TFIP11: variants seen among roughly 807,000 people sequenced by gnomAD.
The protein encoded by TFIP11 is tuftelin interacting protein 11.
A neutral mutation model predicts 96.8 loss-of-function variants in TFIP11; 86 were observed. The observed-to-expected ratio is 0.89, with a 90% CI of 0.75 to 1.06. TFIP11 has a LOEUF of 1.06. Among genes scored for constraint, TFIP11 ranks in the 50% least tolerant of loss-of-function variants. The pLI, the probability that TFIP11 is intolerant of heterozygous loss-of-function variation, is 0.00. For synonymous variants in TFIP11, 405 were observed against 395.2 expected (o/e 1.02, Z -0.29); for missense variants, 881 against 1,076.7 (o/e 0.82, Z 2.54).
chr22:26,502,522 G>A (rs1000798365), intron 7 of TFIP11, among the ~76,000 whole-genome samples: 2 of 152,196 alleles, frequency 1.3e-5, no homozygotes, highest in Non-Finnish European at 2.9e-5. Flanking sequence ...TTCTAGAGGA[G>A]GAGCTAAGGC....
In TFIP11 at chr22:26,499,504, G is replaced by C. The variant is rs779138240; in HGVS notation, c.929C>G (p.Ala310Gly). Reference protein sequence around the residue: ...SQQLPQSGKEAKAPGFALPEL... With the variant: ...SQQLPQSGKEGKAPGFALPEL... Reference sequence around the variant, plus strand: ...GGGCAGCGCGAAGCCGGGGGCCTTGGCCTCTTTGCCAGACTGTGGCAGCTG... The same window carrying C: ...GGGCAGCGCGAAGCCGGGGGCCTTGCCCTCTTTGCCAGACTGTGGCAGCTG... The change falls in exon 9 of 15, where the codon GCC (alanine) becomes GGC (glycine). Residue 310 changes from alanine (A) to glycine (G), a missense_variant. Ala to Gly is a moderately conservative substitution (Grantham distance 60). Transcript: ENST00000407690. The C allele has an allele frequency of 6.2e-7, 1 of 1,614,180 alleles. No homozygotes were observed.
Position 26,492,208 on chromosome 22 carries a change from A to T in TFIP11, c.2319T>A (p.Phe773Leu), listed in dbSNP as rs1210969044. ...GVAASSVPMN[F>L]KDLIETKAEE... Reference sequence around the variant, plus strand: ...CAGCCTTGGTCTCAATGAGGTCCTTAAAGTTCATGGGCACAGAGCTAGCGG... The same window carrying T: ...CAGCCTTGGTCTCAATGAGGTCCTTTAAGTTCATGGGCACAGAGCTAGCGG... Residue 773 changes from phenylalanine to leucine, a missense_variant, in exon 15 of 15, where the codon TTT becomes TTA. By Grantham distance (22) the Phe-to-Leu change is conservative. Transcript: ENST00000407690. 6.2e-6 allele frequency: 10 copies of T among 1,614,108 alleles called. No homozygotes were observed. The highest frequency in any genetic ancestry group is 1.3e-5 in the African/African-American group (1 of 74,934).
At chr22:26,498,317 G>A (rs1039923171) in intron 10 of TFIP11, among the ~76,000 whole-genome samples, 1 of 152,076 alleles carries the variant, frequency 6.6e-6, no homozygotes, top group African/African-American at 2.4e-5. Context: ...GGCCAAGGCG[G>A]GTGGATCACG....
intron 8 of TFIP11, 24 bp downstream of exon 8, chr22:26,501,876 C>A (rs1278629294): frequency 5.0e-6 from 8 of 1,591,070 alleles, no homozygotes; most frequent in African/African-American, 1.4e-5. Context: ...GGATCCTGTA[C>A]CAGGTGTCCA....
rs1278730515 is a variant in TFIP11 at position 26,494,160 on chromosome 22, G to A, written c.2137C>T (p.Arg713Trp). 11 of 1,614,106 alleles carry A rather than the reference G, an allele frequency of 6.8e-6. No homozygotes were observed. Among genetic ancestry groups the A allele is most frequent in the Non-Finnish European group, 3.4e-6 (4 of 1,180,010 alleles). The part of the protein sequence containing the change: ...KFNEALDIMN[R>W]AVSSNVGAYM... ...TTACCAACGTTGGAGGACACCGCCC[G>A]GTTCATGATATCAAGTGCCTCATTA... The change falls in exon 14 of 15, where the codon CGG becomes TGG. Residue 713 changes from arginine (R) to tryptophan (W), a missense_variant. Arg to Trp is a moderately radical substitution (Grantham distance 101, BLOSUM62 -3). Coordinates refer to ENST00000407690, the MANE Select transcript of TFIP11 (RefSeq NM_012143.4).
chr22:26,496,519 C>G (rs1025906517), intron 11 of TFIP11, among the ~76,000 whole-genome samples: 4 of 152,054 alleles, frequency 2.6e-5, no homozygotes, highest in Non-Finnish European at 4.4e-5. Context: ...GTGACAAAAT[C>G]AAGAAAATGA....
At chr22:26,507,030 A>C (rs1218337582) in intron 4 of TFIP11, 102 bp from the exon 5 acceptor site, 2 of 1,352,314 alleles carry the variant, frequency 1.5e-6, no homozygotes, top group African/African-American at 1.5e-5. Context: ...CTTAGAGTGA[A>C]TCTCATGGGA....
rs774022075 is a variant in TFIP11, at chr22:26,491,508, T to C, written c.*505A>G. 14 of 1,613,962 alleles carry C rather than the reference T, an allele frequency of 8.7e-6. No individual in the cohort carries two copies. The highest frequency in any genetic ancestry group is 1.3e-5 in the African/African-American group (1 of 74,922). Reference sequence around the variant, plus strand: ...GCTTGAGTTTCCTCAGACTTCACAATACATGGACATATTTAATGATACCTC... The same window carrying C: ...GCTTGAGTTTCCTCAGACTTCACAACACATGGACATATTTAATGATACCTC... On this transcript the variant is annotated 3_prime_UTR_variant, in exon 15 of 15. Coordinates refer to ENST00000407690, the MANE Select transcript of TFIP11 (RefSeq NM_012143.4).
intron 6 of TFIP11, chr22:26,505,771 A>AGTGCAATGGC (rs113806850): frequency 2.0e-5 from 3 of 151,328 alleles, no homozygotes; most frequent in Admixed American, 6.6e-5. Context: ...CCCAGGCTGG[A>AGTGCAATGGC]GTGATCTCGG....
At chr22:26,511,656 A>G (rs1480117426) in intron 2 of TFIP11, 1 of 152,246 alleles carries the variant, frequency 6.6e-6, no homozygotes. Flanking sequence ...AATACACTCC[A>G]TAGGTGACAG....
chr22:26,494,651 A>C (rs1441918989), intron 13 of TFIP11, 146 bp downstream of exon 13: 2 of 1,136,538 alleles, frequency 1.8e-6, no homozygotes, highest in East Asian at 2.5e-5. Flanking sequence ...AATGGTGCCC[A>C]CTATGAAGAT....
At chr22:26,496,666 T>C in intron 11 of TFIP11, 55 bp downstream of exon 11, 1 of 1,588,104 alleles carries the variant, frequency 6.3e-7, no homozygotes, top group Admixed American at 1.7e-5. Flanking sequence ...AGCCACAGAC[T>C]GAACAAGTCC....
At position 26,495,068 on chromosome 22, in the gene TFIP11, T is replaced by A. The variant is rs562233766; in HGVS notation, c.1850-129A>T. The A allele has an allele frequency of 4.2e-5, 52 of 1,244,572 alleles. No individual in the cohort carries two copies. The East Asian group carries it at 1.3e-3, about 30-fold the overall frequency. 77.1% of individuals were successfully genotyped at this position (1,244,572 alleles called of 1,614,324 possible). A position where few individuals can be genotyped will look rare whatever the true frequency, so the allele number is the denominator to read the frequency against. ...CCTCCGCCTCCCGGGTTCAAGTGAC[T>A]CTTGTGCCTCAGCCTCCCGAGTAGC... On this transcript the variant is annotated intron_variant, in intron 12 of 14. Coordinates refer to ENST00000407690, the MANE Select transcript of TFIP11 (RefSeq NM_012143.4).
rs1308669331 is a variant in TFIP11 at position 26,510,200 on chromosome 22, C to G, written c.73G>C (p.Glu25Gln). 1.9e-6 allele frequency: 3 copies of G among 1,614,042 alleles called. No individual in the cohort carries two copies. The highest frequency in any genetic ancestry group is 2.5e-6 in the Non-Finnish European group (3 of 1,180,046). The stretch of plus-strand genomic sequence containing the variant: ...TTCTGGAGATCCCAGTCAGTGATCT[C>G]AAAGTTCTCCCGCTCGTCATCATCA... ...DDDDDERENF[E>Q]ITDWDLQNEF... Residue 25 changes from glutamate (E) to glutamine (Q), a missense_variant, in exon 4 of 15, where the codon GAG becomes CAG. Coordinates refer to ENST00000407690, the MANE Select transcript of TFIP11 (RefSeq NM_012143.4).
chr22:26,492,610 T>G, intron 14 of TFIP11: 1 of 506,720 alleles, frequency 2.0e-6, no homozygotes, highest in Non-Finnish European at 3.6e-6. Context: ...CATTTTAAAA[T>G]GAAGTATCTG....
rs1408995764 is a variant in TFIP11, at chr22:26,509,930, G to A, written c.209+134C>T. 15 of 824,358 alleles carry A rather than the reference G, an allele frequency of 1.8e-5. No individual in the cohort carries two copies. The South Asian group carries it at 2.2e-4, about 12-fold the overall frequency. 51.1% of individuals were successfully genotyped at this position (824,358 alleles called of 1,614,324 possible). On this transcript the variant is annotated intron_variant, in intron 4 of 14. Coordinates refer to ENST00000407690, the MANE Select transcript of TFIP11 (RefSeq NM_012143.4). ...GCCTAAAGAGGAAACCAGACCTCTC[G>A]AGATGATGTCACAGCTAACAGTCTC...
In TFIP11 at chr22:26,499,497, G is replaced by C; in HGVS notation, c.936C>G (p.Ala312=). 6.2e-7 allele frequency: 1 copy of C among 1,614,190 alleles called. No individual in the cohort carries two copies. The highest frequency in any genetic ancestry group is 8.5e-7 in the Non-Finnish European group (1 of 1,180,046). ...CCAGCTCGGGCAGCGCGAAGCCGGG[G>C]GCCTTGGCCTCTTTGCCAGACTGTG... is the stretch of plus-strand genomic sequence containing the variant. The part of the protein sequence containing the change: ...QLPQSGKEAK[A]PGFALPELEH... The change falls in exon 9 of 15, where the codon GCC becomes GCG. Residue 312 remains alanine (A), a synonymous_variant. Coordinates refer to ENST00000407690, the MANE Select transcript of TFIP11 (RefSeq NM_012143.4).
rs750832696 is a variant in TFIP11 at position 26,491,981 on chromosome 22, A to C, written c.*32T>G. On this transcript the variant is annotated 3_prime_UTR_variant, in exon 15 of 15. Coordinates refer to ENST00000407690, the MANE Select transcript of TFIP11 (RefSeq NM_012143.4). ...TTTACAGTACATCCCTCTTAGGGGC[A>C]AGTCTCTGACTGGTTCTGGACCTGC... 2 of 1,550,080 alleles carry C rather than the reference A, an allele frequency of 1.3e-6. No individual in the cohort carries two copies. The highest frequency in any genetic ancestry group is 1.8e-6 in the Non-Finnish European group (2 of 1,142,514).
Position 26,494,328 on chromosome 22 carries a change from C to T in TFIP11, c.1993-24G>A, listed in dbSNP as rs751740130. 4 of 1,614,034 alleles carry T rather than the reference C, an allele frequency of 2.5e-6. No individual in the cohort carries two copies. In the Admixed American group the frequency reaches 6.7e-5, roughly 27 times the overall value. ...ACCTGCCAAAAAGAAAAATTACTTG[C>T]ATCCATCGTGGCAACAAATGAAGGC... On this transcript the variant is annotated intron_variant, in intron 13 of 14. Coordinates refer to ENST00000407690, the MANE Select transcript of TFIP11 (RefSeq NM_012143.4).
Sources: gnomAD v4.1 joint callset for allele counts (sites outside exome capture counted in the v4.1 genomes callset) on GRCh38, gnomAD v4.1.1 for gene constraint, MANE v1.5 for transcripts, NCBI Gene and HGNC (gene_info 2026-07-23, HGNC 2026-07-21) for gene names.